Variants in ZDHHC15 observed in about 807,000 individuals in gnomAD.
ZDHHC15 encodes zDHHC palmitoyltransferase 15, also known as palmitoyltransferase ZDHHC15.
In ZDHHC15, 19 loss-of-function variants were observed where a neutral mutation model predicts 31.7. That is an observed-to-expected ratio of 0.60 (90% confidence interval 0.42 to 0.88). The LOEUF (loss-of-function observed/expected upper bound fraction) is 0.88, where lower values mean the gene tolerates loss of function less well. ZDHHC15 is among the 40% of genes least tolerant of loss of function. The pLI, the probability that ZDHHC15 is intolerant of heterozygous loss-of-function variation, is 0.00. For synonymous variants in ZDHHC15, 103 were observed against 90.0 expected (o/e 1.14, Z -0.82); for missense variants, 209 against 251.2 (o/e 0.83, Z 1.14).
chrX:75,477,305 G>A (rs761135316), intron 3 of ZDHHC15, among the ~76,000 whole-genome samples: 7 of 111,196 alleles, frequency 6.3e-5, no homozygotes, highest in African/African-American at 1.6e-4. Context: ...AATGTTCTGC[G>A]TACACTTAGG....
intron 10 of ZDHHC15, among the ~76,000 whole-genome samples, chrX:75,414,595 A>ATTT (rs58117165): frequency 3.3e-4 from 26 of 77,660 alleles, no homozygotes; most frequent in South Asian, 8.3e-4. Flanking sequence ...ACGTCTGGCT[A>ATTT]TTTTTTTTTT....
intron 3 of ZDHHC15, among the ~76,000 whole-genome samples, chrX:75,452,999 C>A (rs1381467549): frequency 1.8e-5 from 2 of 111,458 alleles, no homozygotes; most frequent in Non-Finnish European, 3.8e-5. Flanking sequence ...CAAACAAATT[C>A]AAAAGCTAGC....
chrX:75,487,058 G>C (rs2084789647), intron 2 of ZDHHC15, among the ~76,000 whole-genome samples: 1 of 111,536 alleles, frequency 9.0e-6, no homozygotes, highest in Admixed American at 9.5e-5. Flanking sequence ...AGCACCACCT[G>C]CTGGAGGCCA....
intron 10 of ZDHHC15, among the ~76,000 whole-genome samples, chrX:75,400,157 G>A (rs759975097): frequency 9.0e-6 from 1 of 111,251 alleles, no homozygotes; most frequent in East Asian, 2.8e-4. Flanking sequence ...CGTAGAATTC[G>A]GAATATGCAT....
chrX:75,449,209 C>T (rs1315623933), intron 4 of ZDHHC15, among the ~76,000 whole-genome samples: 3 of 14,310 alleles, frequency 2.1e-4, no homozygotes, highest in South Asian at 2.1e-3. Flanking sequence ...TATACACACA[C>T]ACACACACAC....
At chrX:75,506,888 C>T (rs1214262317) in intron 1 of ZDHHC15, among the ~76,000 whole-genome samples, 1 of 111,464 alleles carries the variant, frequency 9.0e-6, no homozygotes, top group African/African-American at 3.3e-5. Context: ...GTTTCCTATC[C>T]CTGGCTGAAT....
intron 2 of ZDHHC15, among the ~76,000 whole-genome samples, chrX:75,490,558 T>C (rs978290572): frequency 1.1e-4 from 12 of 111,748 alleles, no homozygotes; most frequent in African/African-American, 2.9e-4. Context: ...GGGGATGGCA[T>C]TGAATCTATA....
chrX:75,501,494 A>G (rs980674606), intron 2 of ZDHHC15: 1 of 111,353 alleles, frequency 9.0e-6, no homozygotes, highest in African/African-American at 3.3e-5. Context: ...GCTGGGTCGA[A>G]TGGTATTTCT....
chrX:75,499,815 T>A (rs1448689740), intron 2 of ZDHHC15, among the ~76,000 whole-genome samples: 2 of 111,662 alleles, frequency 1.8e-5, no homozygotes, highest in African/African-American at 6.5e-5. Context: ...TAAGTCATTA[T>A]AAGAAAAATA....
chrX:75,495,573 C>T (rs1269842081), intron 2 of ZDHHC15, among the ~76,000 whole-genome samples: 1 of 110,802 alleles, frequency 9.0e-6, no homozygotes, highest in African/African-American at 3.3e-5. Context: ...AAATGTGGCA[C>T]ATACACACCA....
intron 2 of ZDHHC15, among the ~76,000 whole-genome samples, chrX:75,494,014 G>A (rs2084945911): frequency 1.8e-5 from 2 of 111,465 alleles, no homozygotes; most frequent in African/African-American, 3.3e-5. Context: ...CAGATGACAG[G>A]ATTGTATATC....
intron 2 of ZDHHC15, among the ~76,000 whole-genome samples, chrX:75,479,561 A>G (rs1207111400): frequency 9.0e-6 from 1 of 111,633 alleles, no homozygotes; most frequent in East Asian, 2.8e-4. Flanking sequence ...CGTTACATGC[A>G]TAGGTTGCAC....
At chrX:75,459,809 C>T (rs5981361) in intron 3 of ZDHHC15, among the ~76,000 whole-genome samples, 2,570 of 112,443 alleles carry the variant, frequency 0.023, 55 homozygotes, top group African/African-American at 0.076. Context: ...TATCTATTTA[C>T]GCTAAATATA....
At chrX:75,383,936 GT>G (rs2083151541) in intron 10 of ZDHHC15, among the ~76,000 whole-genome samples, 1 of 108,306 alleles carries the variant, frequency 9.2e-6, no homozygotes, top group Admixed American at 9.9e-5. Flanking sequence ...TAGAGATGGG[GT>G]TTCACTGTGT....
At chrX:75,381,663 A>T (rs1340325447) in intron 10 of ZDHHC15, among the ~76,000 whole-genome samples, 1 of 111,506 alleles carries the variant, frequency 9.0e-6, no homozygotes, top group Non-Finnish European at 1.9e-5. Context: ...ACCCTCTATC[A>T]TCTGGCCGTA....
intron 4 of ZDHHC15, among the ~76,000 whole-genome samples, chrX:75,449,197 TCTATAC>T (rs1251959226): frequency 0.026 from 923 of 36,079 alleles, 10 homozygotes; most frequent in East Asian, 0.054. Flanking sequence ...TCTCTCTCTC[TCTATAC>T]ACACACACAC....
At chrX:75,415,431 C>T (rs1480967350) in intron 10 of ZDHHC15, among the ~76,000 whole-genome samples, 1 of 111,690 alleles carries the variant, frequency 9.0e-6, no homozygotes, top group Non-Finnish European at 1.9e-5. Context: ...CTAAAGGCAC[C>T]TTACAGTTTA....
At chrX:75,382,183 T>C (rs1230417112) in intron 10 of ZDHHC15, among the ~76,000 whole-genome samples, 1 of 112,308 alleles carries the variant, frequency 8.9e-6, no homozygotes, top group East Asian at 2.8e-4. Flanking sequence ...GAGGCCACCA[T>C]TTATTTACCT....
intron 1 of ZDHHC15, among the ~76,000 whole-genome samples, chrX:75,521,345 G>A (rs1176829123): frequency 9.0e-6 from 1 of 111,136 alleles, no homozygotes; most frequent in Admixed American, 9.7e-5. Context: ...ACAGGGACAA[G>A]GGGAGATTTT....
Sources: gnomAD v4.1 joint callset for allele counts (sites outside exome capture counted in the v4.1 genomes callset) on GRCh38, gnomAD v4.1.1 for gene constraint, MANE v1.5 for transcripts, NCBI Gene and HGNC (gene_info 2026-07-23, HGNC 2026-07-21) for gene names.